The following ADCY7 variants were observed in gnomAD, a reference collection of about 807,000 sequenced individuals.
The protein encoded by ADCY7 is adenylate cyclase type 7.
ADCY7 carries 72 observed loss-of-function variants against 120.6 expected under a neutral mutation model. The observed-to-expected ratio is 0.60, with a 90% CI of 0.49 to 0.73. ADCY7 has a LOEUF of 0.73. Among genes scored for constraint, ADCY7 ranks in the 30% least tolerant of loss-of-function variants. The pLI, the probability that ADCY7 is intolerant of heterozygous loss-of-function variation, is 0.00. For synonymous variants in ADCY7, 661 were observed against 628.0 expected (o/e 1.05, Z -0.78); for missense variants, 1,227 against 1,486.0 (o/e 0.83, Z 2.87).
At chr16:50,314,678 CAA>C in intron 24 of ADCY7, 5 of 473,256 alleles carry the variant, frequency 1.1e-5, no homozygotes, top group Non-Finnish European at 1.9e-5. Flanking sequence ...GAGAAGGAAG[CAA>C]AGTTACTAAA....
chr16:50,291,060 C>T lies in ADCY7; in HGVS notation c.375+400C>T, dbSNP rs1342624813. 4.6e-5 allele frequency among the ~76,000 whole-genome samples: 7 copies of T among 151,950 alleles called. 1 individual carries two copies. The highest frequency in any genetic ancestry group is 4.2e-4 in the South Asian group (2 of 4,808). On this transcript the variant is annotated intron_variant, in intron 3 of 25. Transcript: ENST00000673801. The stretch of plus-strand genomic sequence containing the variant: ...GGGGGCAGAGAAGTTCACAGCGGCT[C>T]CAGGCTGCCCACCCCAGTTGAGAGA...
intron 1 of ADCY7, among the ~76,000 whole-genome samples, chr16:50,287,539 A>C (rs2034655163): frequency 6.6e-6 from 1 of 151,764 alleles, no homozygotes; most frequent in Admixed American, 6.6e-5. Context: ...AGAGAATTTA[A>C]AAATTAGCTG....
At chr16:50,294,861 C>T in intron 7 of ADCY7, 110 bp downstream of exon 7, 1 of 734,186 alleles carries the variant, frequency 1.4e-6, no homozygotes, top group Non-Finnish European at 2.2e-6. Flanking sequence ...GGAGGCGTGG[C>T]TGAATTTTAG....
chr16:50,249,047 C>G lies in ADCY7; in HGVS notation c.-64+2844C>G, dbSNP rs577149980. On this transcript the variant is annotated intron_variant, in intron 1 of 4. Transcript: ENST00000564044. ...CCCCTTGAGTGCTTTCTGCTCTCTG[C>G]GTAAGAGCCTGCACCACTCCCACCT... is the stretch of plus-strand genomic sequence containing the variant. Among the ~76,000 whole-genome samples the G allele has an allele frequency of 5.2e-4, 79 of 152,290 alleles. 1 individual carries two copies. Among genetic ancestry groups the G allele is most frequent in the South Asian group, 4.8e-3 (23 of 4,828 alleles).
chr16:50,304,803 G>T lies in ADCY7; in HGVS notation c.1561-122G>T. On this transcript the variant is annotated intron_variant, in intron 11 of 25. Coordinates refer to ENST00000673801, the MANE Select transcript of ADCY7 (RefSeq NM_001114.5). ...GCTATAGTCAGGATGTCTGTGGCTT[G>T]GACGACCCCGACACCTTGTCCTGTG... The T allele has an allele frequency of 1.1e-4, 144 of 1,368,046 alleles. No homozygotes were observed. In the Admixed American group the frequency reaches 1.1e-3, roughly 10 times the overall value. The allele number at this position is 1,368,046 out of a possible 1,614,324, so 84.7% of individuals were successfully genotyped here. A position where few individuals can be genotyped will look rare whatever the true frequency, so the allele number is the denominator to read the frequency against.
chr16:50,298,079 C>G (rs1350528464), intron 7 of ADCY7, among the ~76,000 whole-genome samples: 1 of 151,996 alleles, frequency 6.6e-6, no homozygotes, highest in Non-Finnish European at 1.5e-5. Context: ...GAGTCCCCAC[C>G]CTCGCCGCTC....
chr16:50,281,394 C>T (rs1567544464), intron 1 of ADCY7, among the ~76,000 whole-genome samples: 2 of 152,054 alleles, frequency 1.3e-5, no homozygotes, highest in African/African-American at 4.8e-5. Flanking sequence ...AAGGCAGGTG[C>T]GGCAGGTGCA....
chr16:50,299,044 C>T lies in ADCY7; in HGVS notation c.1076+13C>T, dbSNP rs373457839. 2.5e-5 allele frequency: 40 copies of T among 1,603,012 alleles called. No individual in the cohort carries two copies. Among genetic ancestry groups the T allele is most frequent in the South Asian group, 8.8e-5 (8 of 90,632 alleles). On this transcript the variant is annotated intron_variant, in intron 8 of 25. Transcript: ENST00000673801. ...GCCAGGCCATCAAGTAGGTCCTGGG[C>T]GGGCCCAGGCCCTGGGTCCTGCCCT...
intron 1 of ADCY7, among the ~76,000 whole-genome samples, chr16:50,277,860 TG>T (rs1298441190): frequency 6.6e-6 from 1 of 151,816 alleles, no homozygotes; most frequent in Non-Finnish European, 1.5e-5. Context: ...TTAGTAGAGA[TG>T]GGGTTTCACC....
chr16:50,313,699 T>C, intron 22 of ADCY7: 1 of 442,682 alleles, frequency 2.3e-6, no homozygotes, highest in South Asian at 5.5e-5. Flanking sequence ...TAGATAATGC[T>C]GTGTTTGCTC....
intron 1 of ADCY7, among the ~76,000 whole-genome samples, chr16:50,267,862 G>T (rs2033317863): frequency 6.6e-6 from 1 of 152,218 alleles, no homozygotes; most frequent in African/African-American, 2.4e-5. Context: ...AGTGCAGGAG[G>T]CTGAGGGGGC....
intron 15 of ADCY7, among the ~76,000 whole-genome samples, chr16:50,307,888 C>T (rs561221560): frequency 5.5e-5 from 8 of 146,754 alleles, no homozygotes; most frequent in South Asian, 2.2e-4. Context: ...CCCAGCTACT[C>T]GGGAGGCTGA....
intron 1 of ADCY7, among the ~76,000 whole-genome samples, chr16:50,256,729 G>T (rs1223130704): frequency 1.3e-5 from 2 of 152,106 alleles, no homozygotes; most frequent in East Asian, 1.9e-4. Context: ...AGATAATGTG[G>T]AGAAAAGGAA....
chr16:50,300,944 G>C lies in ADCY7; in HGVS notation c.1235+71G>C, dbSNP rs543867974. 61 of 1,539,714 alleles carry C rather than the reference G, an allele frequency of 4.0e-5. No individual in the cohort carries two copies. In the African/African-American group the frequency reaches 8.2e-4, roughly 21 times the overall value. On this transcript the variant is annotated intron_variant, in intron 9 of 25. Coordinates refer to ENST00000673801, the MANE Select transcript of ADCY7 (RefSeq NM_001114.5). ...CTGTGGATGGAGGGTTCTGCGGTTG[G>C]GGGTGGGGGTCAGGTGTGGAGGGAG...
chr16:50,253,333 C>G (rs11076526), intron 1 of ADCY7, among the ~76,000 whole-genome samples: 6,897 of 152,212 alleles, frequency 0.045, 592 homozygotes, highest in East Asian at 0.32. Flanking sequence ...TCACTGCAGC[C>G]TCCGCCTCCT....
intron 1 of ADCY7, among the ~76,000 whole-genome samples, chr16:50,257,477 C>T (rs2032947980): frequency 6.6e-6 from 1 of 152,148 alleles, no homozygotes; most frequent in African/African-American, 2.4e-5. Context: ...TCACCACAAA[C>T]AGTGCTAAAT....
chr16:50,291,855 G>C lies in ADCY7; in HGVS notation c.495G>C (p.Leu165Phe). 6.2e-7 allele frequency: 1 copy of C among 1,613,936 alleles called. No individual in the cohort carries two copies. The highest frequency in any genetic ancestry group is 8.5e-7 in the Non-Finnish European group (1 of 1,179,874). ...TASHLLVLGS[L>F]MGGFTTPSVR... ...CCCACCTCCTGGTGCTCGGTTCTTT[G>C]ATGGGAGGCTTCACGACACCCAGTG... is the stretch of plus-strand genomic sequence containing the variant. The change falls in exon 4 of 26, where the codon TTG becomes TTC. Residue 165 changes from leucine (L) to phenylalanine (F), a missense_variant. Physicochemically the swap from Leu to Phe is conservative, Grantham distance 22. Around this residue, in one of 5 missense-constraint regions of ADCY7, gnomAD observed 382 missense variants for 411.4 expected, o/e 0.93. Transcript: ENST00000673801.
upstream of ADCY7, among the ~76,000 whole-genome samples, chr16:50,263,635 T>C (rs947088551): frequency 4.6e-5 from 7 of 152,228 alleles, no homozygotes; most frequent in South Asian, 1.4e-3. Context: ...CAGCAGGCAG[T>C]GGGGAACCCC....
chr16:50,312,407 TG>T (rs1428316605), intron 21 of ADCY7, among the ~76,000 whole-genome samples: 1 of 152,192 alleles, frequency 6.6e-6, no homozygotes, highest in African/African-American at 2.4e-5. Context: ...CAAGGCACCT[TG>T]CTTTCCCAGG....
Sources: allele counts gnomAD v4.1 joint callset (sites outside exome capture counted in the v4.1 genomes callset), GRCh38; gene constraint gnomAD v4.1.1; regional missense constraint gnomAD v4.1.1; transcripts MANE v1.5; gene names NCBI Gene and HGNC (gene_info 2026-07-23, HGNC 2026-07-21).